The following ZEB2 variants were observed in gnomAD, a reference collection of about 807,000 sequenced individuals.
ZEB2 encodes zinc finger E-box binding homeobox 2.
In ZEB2, 6 loss-of-function variants were observed where a neutral mutation model predicts 99.9. That is an observed-to-expected ratio of 0.06 (90% CI 0.03 to 0.12). The LOEUF (loss-of-function observed/expected upper bound fraction) is 0.12. Ranked by LOEUF, ZEB2 falls within the 10% of genes least tolerant of loss-of-function variation. The pLI is 1.00. For synonymous variants in ZEB2, 517 were observed against 542.5 expected (o/e 0.95, Z 0.65); for missense variants, 969 against 1,502.8 (o/e 0.64, Z 5.87).
intron 4 of ZEB2, among the ~76,000 whole-genome samples, chr2:144,410,669 T>G (rs1325870786): frequency 6.6e-6 from 1 of 152,164 alleles, no homozygotes; most frequent in Non-Finnish European, 1.5e-5. Context: ...TTCATTTTCT[T>G]TATTTGTAGC....
intron 3 of ZEB2, chr2:144,428,480 T>C (rs1703718285): frequency 6.6e-6 from 1 of 152,172 alleles, no homozygotes; most frequent in South Asian, 2.1e-4. Context: ...TAGTTGAAAA[T>C]CTAAAACCTT....
At chr2:144,480,144 CTTTTA>C (rs910943527) in intron 2 of ZEB2, among the ~76,000 whole-genome samples, 3 of 152,086 alleles carry the variant, frequency 2.0e-5, no homozygotes, top group Non-Finnish European at 4.4e-5. Context: ...AAGCAATAGT[CTTTTA>C]TTTGATTTGA....
At position 144,460,849 on chromosome 2, in the gene ZEB2, T is replaced by C. The variant is rs193036656; in HGVS notation, c.74-30823A>G. Among the ~76,000 whole-genome samples, 439 of 152,238 alleles carry C rather than the reference T, an allele frequency of 2.9e-3. 2 individuals carry two copies. The highest frequency in any genetic ancestry group is 4.9e-3 in the Non-Finnish European group (334 of 68,018). On this transcript the variant is annotated intron_variant, in intron 2 of 9. Transcript: ENST00000627532. Reference sequence around the variant, plus strand: ...TTGATAGAGCAAAAGACAATCTGTCTGCCAAAAATGTCCAACCATAATTCT... The same window carrying C: ...TTGATAGAGCAAAAGACAATCTGTCCGCCAAAAATGTCCAACCATAATTCT...
chr2:144,511,358 CAT>C (rs1213515950), intron 2 of ZEB2: 2 of 1,174,390 alleles, frequency 1.7e-6, no homozygotes, highest in Non-Finnish European at 2.1e-6. Context: ...CACACATGCA[CAT>C]ACACAGCATA....
intron 4 of ZEB2, among the ~76,000 whole-genome samples, chr2:144,409,912 TG>T (rs904753692): frequency 4.0e-5 from 6 of 150,478 alleles, no homozygotes; most frequent in South Asian, 2.1e-4. Context: ...AAAAAGTTGT[TG>T]TTTTTTTTTT....
At chr2:144,475,625 A>G (rs1442655171) in intron 2 of ZEB2, among the ~76,000 whole-genome samples, 1 of 152,180 alleles carries the variant, frequency 6.6e-6, no homozygotes, top group Non-Finnish European at 1.5e-5. Flanking sequence ...TCATTATTGC[A>G]TGTCATAATT....
At chr2:144,487,315 A>G (rs1704612281) in intron 2 of ZEB2, among the ~76,000 whole-genome samples, 1 of 152,228 alleles carries the variant, frequency 6.6e-6, no homozygotes, top group African/African-American at 2.4e-5. Flanking sequence ...GGCACACAAC[A>G]GGTAGGAAAA....
intron 2 of ZEB2, among the ~76,000 whole-genome samples, chr2:144,432,529 TA>T (rs1323634270): frequency 6.6e-6 from 1 of 152,134 alleles, no homozygotes; most frequent in Non-Finnish European, 1.5e-5. Flanking sequence ...CAATCAAAAT[TA>T]AATGCACTGA....
At chr2:144,408,141 T>C (rs939049760) in intron 4 of ZEB2, among the ~76,000 whole-genome samples, 2 of 152,192 alleles carry the variant, frequency 1.3e-5, no homozygotes, top group Non-Finnish European at 2.9e-5. Context: ...ACAAAATACA[T>C]CAAATCATGC....
intron 2 of ZEB2, among the ~76,000 whole-genome samples, chr2:144,471,644 T>C (rs1039802427): frequency 4.6e-5 from 7 of 151,848 alleles, no homozygotes; most frequent in African/African-American, 1.7e-4. Flanking sequence ...ACCTCCTAGG[T>C]AGTGAGGTAG....
At chr2:144,464,958 T>G (rs1704251523) in intron 2 of ZEB2, among the ~76,000 whole-genome samples, 1 of 152,204 alleles carries the variant, frequency 6.6e-6, no homozygotes, top group South Asian at 2.1e-4. Context: ...AGAAGCACTT[T>G]CCAAGAGTAA....
chr2:144,459,962 C>T (rs550761553), intron 2 of ZEB2, among the ~76,000 whole-genome samples: 3 of 152,228 alleles, frequency 2.0e-5, no homozygotes, highest in South Asian at 4.1e-4. Context: ...TACTGGGTCC[C>T]GTAAGGAGAG....
intron 4 of ZEB2, among the ~76,000 whole-genome samples, chr2:144,410,450 C>T (rs1383556120): frequency 6.6e-6 from 1 of 152,082 alleles, no homozygotes; most frequent in Non-Finnish European, 1.5e-5. Context: ...ATAGACTGGC[C>T]TTAAAAATTA....
At chr2:144,393,695 T>G (rs1319413742) in intron 9 of ZEB2, among the ~76,000 whole-genome samples, 1 of 152,160 alleles carries the variant, frequency 6.6e-6, no homozygotes, top group Non-Finnish European at 1.5e-5. Context: ...CCTAATACAC[T>G]GACAGTAGTA....
intron 2 of ZEB2, among the ~76,000 whole-genome samples, chr2:144,508,653 C>T (rs1377906913): frequency 6.6e-6 from 1 of 151,800 alleles, no homozygotes; most frequent in Non-Finnish European, 1.5e-5. Flanking sequence ...AAGTTGGTAA[C>T]GGCCAGCCTG....
chr2:144,464,010 G>A (rs975499282), intron 2 of ZEB2: 1 of 152,104 alleles, frequency 6.6e-6, no homozygotes, highest in Non-Finnish European at 1.5e-5. Context: ...GGGGAAAGAG[G>A]TCATGGAGGT....
chr2:144,437,191 A>T (rs904258984), intron 2 of ZEB2, among the ~76,000 whole-genome samples: 1 of 152,226 alleles, frequency 6.6e-6, no homozygotes, highest in African/African-American at 2.4e-5. Context: ...CAATCCAAGG[A>T]CATAATACTT....
intron 4 of ZEB2, among the ~76,000 whole-genome samples, chr2:144,420,174 A>G (rs1703600902): frequency 6.6e-6 from 1 of 152,208 alleles, no homozygotes; most frequent in African/African-American, 2.4e-5. Flanking sequence ...GGCAAATGGA[A>G]TAGTCCTTTC....
intron 2 of ZEB2, among the ~76,000 whole-genome samples, chr2:144,486,384 T>A (rs1278143022): frequency 2.2e-5 from 3 of 133,782 alleles, no homozygotes; most frequent in East Asian, 2.2e-4. Context: ...TTTTTTTTTT[T>A]AAAGAAAGAA....
Sources: allele counts gnomAD v4.1 joint callset (sites outside exome capture counted in the v4.1 genomes callset), GRCh38; gene constraint gnomAD v4.1.1; transcripts MANE v1.5; gene names NCBI Gene and HGNC (gene_info 2026-07-23, HGNC 2026-07-21).